ANKRD55: variants seen among roughly 807,000 people sequenced by gnomAD.
The protein encoded by ANKRD55 is ankyrin repeat domain-containing protein 55.
A neutral mutation model predicts 60.6 loss-of-function variants in ANKRD55; 41 were observed. That is an observed-to-expected ratio of 0.68 (90% confidence interval 0.53 to 0.88). ANKRD55 has a LOEUF of 0.88. ANKRD55 is among the 40% of genes least tolerant of loss of function. The pLI is 0.00. For synonymous variants in ANKRD55, 264 were observed against 290.3 expected (o/e 0.91, Z 0.92); for missense variants, 732 against 767.6 (o/e 0.95, Z 0.55).
intron 2 of ANKRD55, among the ~76,000 whole-genome samples, chr5:56,222,419 A>C (rs1759991476): frequency 6.6e-6 from 1 of 152,236 alleles, no homozygotes; most frequent in African/African-American, 2.4e-5. Flanking sequence ...AAAGCTGAAA[A>C]TTCTAAAAAT....
At chr5:56,152,838 A>G (rs940597174) in intron 6 of ANKRD55, among the ~76,000 whole-genome samples, 1 of 152,186 alleles carries the variant, frequency 6.6e-6, no homozygotes, top group African/African-American at 2.4e-5. Flanking sequence ...CTGGTAACAA[A>G]CAAAAACATA....
intron 2 of ANKRD55, among the ~76,000 whole-genome samples, chr5:56,212,416 A>T (rs1445891265): frequency 1.3e-5 from 2 of 152,224 alleles, no homozygotes; most frequent in Non-Finnish European, 2.9e-5. Context: ...AACAATAGAG[A>T]AGGGAAGAAA....
At chr5:56,208,249 T>C (rs1759562306) in intron 2 of ANKRD55, among the ~76,000 whole-genome samples, 1 of 151,850 alleles carries the variant, frequency 6.6e-6, no homozygotes, top group African/African-American at 2.4e-5. Context: ...TCTTTTGGAA[T>C]ACCTCCTGAG....
chr5:56,189,328 AT>A (rs1273249297), intron 2 of ANKRD55, among the ~76,000 whole-genome samples: 8 of 150,200 alleles, frequency 5.3e-5, no homozygotes, highest in Non-Finnish European at 7.4e-5. Flanking sequence ...AAAAAAAAAA[AT>A]GTGGTAAAAG....
At chr5:56,135,258 C>T (rs1757533769) in intron 7 of ANKRD55, among the ~76,000 whole-genome samples, 1 of 127,068 alleles carries the variant, frequency 7.9e-6, no homozygotes, top group South Asian at 2.7e-4. Flanking sequence ...TTCCTTCCTT[C>T]CTTCTTTCCC....
chr5:56,142,925 TC>T (rs1219273338), intron 7 of ANKRD55, among the ~76,000 whole-genome samples: 1 of 152,236 alleles, frequency 6.6e-6, no homozygotes, highest in East Asian at 1.9e-4. Flanking sequence ...CAGAGCAGTT[TC>T]CAGATCACTT....
chr5:56,114,703 C>T (rs1756835837), intron 9 of ANKRD55, among the ~76,000 whole-genome samples: 1 of 152,096 alleles, frequency 6.6e-6, no homozygotes, highest in African/African-American at 2.4e-5. Flanking sequence ...TGACAGAGTA[C>T]AAAAAATTCA....
At chr5:56,137,008 C>A in intron 7 of ANKRD55, 1 of 689,340 alleles carries the variant, frequency 1.5e-6, no homozygotes, top group Non-Finnish European at 2.7e-6. Context: ...ACCCAGAGAG[C>A]CCCACAAAAT....
intron 4 of ANKRD55, among the ~76,000 whole-genome samples, chr5:56,174,877 T>C (rs2111820450): frequency 6.7e-6 from 1 of 148,760 alleles, no homozygotes; most frequent in South Asian, 2.2e-4. Flanking sequence ...TTGTTCAACA[T>C]GCAGACTCCC....
intron 7 of ANKRD55, chr5:56,137,384 T>A: frequency 9.2e-7 from 1 of 1,083,502 alleles, no homozygotes; most frequent in Non-Finnish European, 1.4e-6. Flanking sequence ...ATGGTCGGAT[T>A]AACCCATACA....
At chr5:56,225,406 C>T (rs1009066047) in intron 2 of ANKRD55, among the ~76,000 whole-genome samples, 1 of 152,118 alleles carries the variant, frequency 6.6e-6, no homozygotes, top group African/African-American at 2.4e-5. Flanking sequence ...TGGAAGCATT[C>T]CCTTTGAAAA....
intron 6 of ANKRD55, among the ~76,000 whole-genome samples, chr5:56,152,904 A>C (rs141998899): frequency 4.9e-4 from 74 of 152,264 alleles, no homozygotes; most frequent in African/African-American, 1.6e-3. Flanking sequence ...TTAAAAAGAC[A>C]TCAAAAGAAA....
In ANKRD55 at chr5:56,191,741, G is replaced by A. The variant is rs1446861139; in HGVS notation, c.59-8107C>T. ...CACAGTGTAGGGGGAAAAGGAAGAC[G>A]TGTGAAGCAGAATAGCATGTACTTC... is the stretch of plus-strand genomic sequence containing the variant. On this transcript the variant is annotated intron_variant, in intron 2 of 11. Transcript: ENST00000341048. Among the ~76,000 whole-genome samples the A allele has an allele frequency of 4.6e-5, 7 of 152,180 alleles. No homozygotes were observed. The East Asian group carries it at 7.7e-4, about 17-fold the overall frequency.
At chr5:56,132,113 T>C (rs1214437168) in intron 7 of ANKRD55, among the ~76,000 whole-genome samples, 3 of 151,866 alleles carry the variant, frequency 2.0e-5, no homozygotes, top group African/African-American at 4.8e-5. Context: ...TTAGAATCAT[T>C]TAGTTATTAT....
intron 7 of ANKRD55, chr5:56,136,942 T>A (rs1757619178): frequency 2.1e-6 from 1 of 466,022 alleles, no homozygotes; most frequent in Non-Finnish European, 4.0e-6. Flanking sequence ...TTCCAGGAGA[T>A]GCTCTTTCCC....
intron 8 of ANKRD55, among the ~76,000 whole-genome samples, chr5:56,124,051 T>C (rs553714392): frequency 1.3e-5 from 2 of 152,138 alleles, no homozygotes; most frequent in Non-Finnish European, 2.9e-5. Context: ...GAGCTATCAG[T>C]GACTGAGGAA....
chr5:56,202,044 A>T (rs1004532361), intron 2 of ANKRD55, among the ~76,000 whole-genome samples: 2 of 152,228 alleles, frequency 1.3e-5, no homozygotes, highest in African/African-American at 4.8e-5. Flanking sequence ...TAATGCAGGA[A>T]CAGAAAACCA....
intron 4 of ANKRD55, among the ~76,000 whole-genome samples, chr5:56,173,145 T>C (rs1758646082): frequency 6.6e-6 from 1 of 152,224 alleles, no homozygotes; most frequent in South Asian, 2.1e-4. Context: ...CTCTTCATTC[T>C]TTGGACATAT....
At chr5:56,198,808 G>A (rs1483785971) in intron 2 of ANKRD55, among the ~76,000 whole-genome samples, 7 of 148,618 alleles carry the variant, frequency 4.7e-5, no homozygotes, top group Admixed American at 1.3e-4. Flanking sequence ...GCTGGGCAGC[G>A]GTGGCTCACA....
Sources: allele counts gnomAD v4.1 joint callset (sites outside exome capture counted in the v4.1 genomes callset), GRCh38; gene constraint gnomAD v4.1.1; transcripts MANE v1.5; gene names NCBI Gene and HGNC (gene_info 2026-07-23, HGNC 2026-07-21).